ZBBX: variants seen among roughly 807,000 people sequenced by gnomAD.
ZBBX encodes the protein zinc finger B-box domain containing, also known as zinc finger B-box domain-containing protein 1.
In ZBBX, 101 loss-of-function variants were observed where a neutral mutation model predicts 108.5. The observed-to-expected ratio is 0.93, with a 90% CI of 0.79 to 1.10. The LOEUF (loss-of-function observed/expected upper bound fraction) is 1.10. Among genes scored for constraint, ZBBX ranks in the 50% least tolerant of loss-of-function variants. The probability of loss-of-function intolerance (pLI) is 0.00; values close to 1 mark genes in which losing one functional copy is unlikely to be tolerated. For synonymous variants in ZBBX, 356 were observed against 323.4 expected, an observed-to-expected ratio of 1.10 and a Z score of -1.08; for missense variants, 1,009 against 941.4, an observed-to-expected ratio of 1.07 and a Z score of -0.94.
At chr3:167,193,810 T>C in the ZBBX span, among the ~76,000 whole-genome samples, 4 of 152,262 alleles carry the variant, frequency 2.6e-5, no homozygotes, top group East Asian at 7.7e-4. Flanking sequence ...ATGAATAAAA[T>C]CTGGTCATTT....
At chr3:167,255,093 GA>G (rs1359772915) in intron 20 of ZBBX, among the ~76,000 whole-genome samples, 8 of 152,074 alleles carry the variant, frequency 5.3e-5, no homozygotes, top group Non-Finnish European at 7.4e-5. Flanking sequence ...CAAATATAAA[GA>G]AAACTCAGGT....
the ZBBX span, among the ~76,000 whole-genome samples, chr3:167,188,583 G>A: frequency 6.6e-6 from 1 of 152,186 alleles, no homozygotes. Context: ...CCATGTTACT[G>A]AGAGTGAGAC....
At position 167,317,541 on chromosome 3, in the gene ZBBX, T is replaced by C. The variant is rs1181436298; in HGVS notation, c.1040A>G (p.Glu347Gly). ...MLPDTFPHPH[E>G]TTGDAQCSQN... ...AGAACACTGTGCATCACCAGTGGTT[T>C]CATGTGGATGTGGGAACGTATCTGG... Residue 347 changes from glutamate (E) to glycine (G), a missense_variant, in exon 13 of 22, where the codon GAA becomes GGA. Physicochemically the swap from Glu to Gly is moderately conservative, Grantham distance 98 (BLOSUM62 -2). Transcript: ENST00000675490. 16 of 1,611,264 alleles carry C rather than the reference T, an allele frequency of 9.9e-6. No individual in the cohort carries two copies. The highest frequency in any genetic ancestry group is 1.7e-5 in the Admixed American group (1 of 59,606).
intron 1 of ZBBX, among the ~76,000 whole-genome samples, chr3:167,398,380 A>C (rs1748315310): frequency 6.6e-6 from 1 of 152,108 alleles, no homozygotes; most frequent in Non-Finnish European, 1.5e-5. Context: ...GATTCTTTAA[A>C]GGGCCCAATA....
chr3:167,186,829 G>A, the ZBBX span, among the ~76,000 whole-genome samples: 2,036 of 152,198 alleles, frequency 0.013, 22 homozygotes, highest in South Asian at 0.026. Flanking sequence ...TGAATAGGTC[G>A]CCATAGTCAC....
rs1042283121 is a variant in ZBBX, at chr3:167,350,064, T to G, written c.528+356A>C. On this transcript the variant is annotated intron_variant, in intron 9 of 21. Transcript: ENST00000675490. ...AAATAAACTTGAAAACATAAGAGAT[T>G]TATACCTAAAAACTATAGAAATAAT... Among the ~76,000 whole-genome samples the G allele has an allele frequency of 1.2e-4, 18 of 152,014 alleles. No individual in the cohort carries two copies. In the East Asian group the frequency reaches 3.1e-3, roughly 26 times the overall value.
intron 20 of ZBBX, among the ~76,000 whole-genome samples, chr3:167,243,938 A>G (rs1050737945): frequency 4.6e-5 from 7 of 152,088 alleles, no homozygotes; most frequent in African/African-American, 1.7e-4. Flanking sequence ...GGGTACGTTC[A>G]ATAAGCTTAG....
intron 16 of ZBBX, among the ~76,000 whole-genome samples, chr3:167,311,555 C>T (rs1734587327): frequency 6.6e-6 from 1 of 151,956 alleles, no homozygotes; most frequent in Non-Finnish European, 1.5e-5. Flanking sequence ...GAGTGTTATG[C>T]AAAACATACA....
the ZBBX span, among the ~76,000 whole-genome samples, chr3:167,219,926 A>G: frequency 7.2e-5 from 11 of 151,990 alleles, no homozygotes; most frequent in Non-Finnish European, 1.5e-4. Context: ...ATTACAGCCG[A>G]TACTGCAGAA....
rs77949267 is a variant in ZBBX, at chr3:167,336,698, C to T, written c.529-2713G>A. On this transcript the variant is annotated intron_variant, in intron 9 of 21. Coordinates refer to ENST00000675490, the MANE Select transcript of ZBBX (RefSeq NM_001199201.2). ...AAAATGTGTTTTACCTTTGATTTCC[C>T]GAAACTGAAAATATTAAATTTTGTC... Among the ~76,000 whole-genome samples the T allele has an allele frequency of 3.2e-3, 485 of 152,142 alleles. 3 individuals are homozygous for T. Among genetic ancestry groups the T allele is most frequent in the African/African-American group, 0.011 (450 of 41,492 alleles).
chr3:167,386,714 G>A (rs1371777983), intron 1 of ZBBX, among the ~76,000 whole-genome samples: 2 of 151,890 alleles, frequency 1.3e-5, no homozygotes, highest in Non-Finnish European at 2.9e-5. Context: ...AAAAAAGCTG[G>A]CATTTCAGAG....
intron 10 of ZBBX, chr3:167,331,586 CA>C: frequency 1.0e-6 from 1 of 985,328 alleles, no homozygotes; most frequent in Non-Finnish European, 1.2e-6. Context: ...ATAGCTGTGG[CA>C]GGGTAGAAAA....
the ZBBX span, among the ~76,000 whole-genome samples, chr3:167,223,672 T>C: frequency 6.6e-6 from 1 of 151,958 alleles, no homozygotes; most frequent in Non-Finnish European, 1.5e-5. Flanking sequence ...AAGAACCCCT[T>C]ATAAATGATT....
At chr3:167,267,309 G>A (rs1207654630) in intron 20 of ZBBX, among the ~76,000 whole-genome samples, 9 of 152,138 alleles carry the variant, frequency 5.9e-5, no homozygotes, top group Non-Finnish European at 1.2e-4. Flanking sequence ...TCAGCAGGTA[G>A]GGCTAAAGGA....
chr3:167,210,950 T>C, the ZBBX span, among the ~76,000 whole-genome samples: 3 of 152,062 alleles, frequency 2.0e-5, no homozygotes, highest in Non-Finnish European at 2.9e-5. Context: ...AAGAGGTTAA[T>C]AAGCAATAAT....
At chr3:167,235,551 G>T (rs1358671330), downstream of ZBBX, among the ~76,000 whole-genome samples, 1 of 150,742 alleles carries the variant, frequency 6.6e-6, no homozygotes, top group Non-Finnish European at 1.5e-5. Context: ...TATTCTTCTG[G>T]ATAGAAAGCA....
At chr3:167,330,790 A>AAAG (rs36131752) in intron 10 of ZBBX, among the ~76,000 whole-genome samples, 6 of 137,682 alleles carry the variant, frequency 4.4e-5, no homozygotes, top group Non-Finnish European at 6.2e-5. Flanking sequence ...GGAGAAGAAG[A>AAAG]AAGAAGAAGA....
At chr3:167,277,839 AT>A (rs1479668445) in intron 20 of ZBBX, among the ~76,000 whole-genome samples, 25 of 152,346 alleles carry the variant, frequency 1.6e-4, no homozygotes, top group South Asian at 8.3e-4. Flanking sequence ...AATTGACCAC[AT>A]ACTTGGAAGT....
intron 20 of ZBBX, among the ~76,000 whole-genome samples, chr3:167,280,888 A>G (rs1728683745): frequency 6.6e-6 from 1 of 152,192 alleles, no homozygotes; most frequent in African/African-American, 2.4e-5. Flanking sequence ...GATTAAGAAA[A>G]TGTGGCACAT....
Sources: allele counts gnomAD v4.1 joint callset (sites outside exome capture counted in the v4.1 genomes callset), GRCh38; gene constraint gnomAD v4.1.1; transcripts MANE v1.5; gene names NCBI Gene and HGNC (gene_info 2026-07-23, HGNC 2026-07-21).